FRAS1: variants seen among roughly 807,000 people sequenced by gnomAD.
The protein encoded by FRAS1 is extracellular matrix organizing protein FRAS1.
FRAS1 carries 290 observed loss-of-function variants against 435.2 expected under a neutral mutation model. The ratio of observed to expected loss-of-function variants is 0.67; its 90% CI spans 0.61 to 0.73. The LOEUF is 0.73. Among genes scored for constraint, FRAS1 ranks in the 30% least tolerant of loss-of-function variants. FRAS1 has a pLI of 0.00. For missense variants in FRAS1, 4,860 were observed against 5,001.5 expected (o/e 0.97, Z 0.85); for synonymous variants, 1,800 against 1,851.0 (o/e 0.97, Z 0.71).
At chr4:78,183,469 G>T (rs1397638092) in intron 2 of FRAS1, among the ~76,000 whole-genome samples, 1 of 152,196 alleles carries the variant, frequency 6.6e-6, no homozygotes, top group East Asian at 1.9e-4. Flanking sequence ...TCTTTCAGCA[G>T]CCCTGCTCAG....
chr4:78,268,520 G>A lies in FRAS1; in HGVS notation c.981+1088G>A, dbSNP rs148827671. On this transcript the variant is annotated intron_variant, in intron 9 of 73. Coordinates refer to ENST00000512123, the MANE Select transcript of FRAS1 (RefSeq NM_025074.7). ...AGGGCCCTTTTTTGTTGTCTCTGTCGGGCTGAGGCTGGGCTTCCCTGCCTC... is the reference window on the plus strand; with the variant it reads ...AGGGCCCTTTTTTGTTGTCTCTGTCAGGCTGAGGCTGGGCTTCCCTGCCTC... Among the ~76,000 whole-genome samples, 697 of 152,270 alleles carry A rather than the reference G, an allele frequency of 4.6e-3. 6 individuals are homozygous for A. The highest frequency in any genetic ancestry group is 0.015 in the African/African-American group (641 of 41,538).
chr4:78,525,490 G>GGT (rs1357200225), intron 69 of FRAS1, among the ~76,000 whole-genome samples: 3 of 152,174 alleles, frequency 2.0e-5, no homozygotes, highest in African/African-American at 7.2e-5. Context: ...TTTTCAGCCT[G>GGT]TGCCAGTCCA....
chr4:78,089,849 C>T (rs749529532), intron 2 of FRAS1, among the ~76,000 whole-genome samples: 6 of 149,928 alleles, frequency 4.0e-5, no homozygotes, highest in South Asian at 2.2e-4. Flanking sequence ...CACATCATTT[C>T]GCCACCCAGG....
At position 78,457,048 on chromosome 4, in the gene FRAS1, CT is replaced by C. The variant is rs1267379562; in HGVS notation, c.6763+4695del. Among the ~76,000 whole-genome samples, 20 of 152,304 alleles carry C rather than the reference CT, an allele frequency of 1.3e-4. 1 individual carries two copies. The highest frequency in any genetic ancestry group is 1.2e-3 in the Admixed American group (19 of 15,300). On this transcript the variant is annotated intron_variant, in intron 47 of 73. Transcript: ENST00000512123. Reference sequence around the variant, plus strand: ...GAGGCCTACCTCGTGCTGGATGCCCCTCACCAGTTACAACACACCTTCCTCA... The same window carrying C: ...GAGGCCTACCTCGTGCTGGATGCCCCCACCAGTTACAACACACCTTCCTCA...
At chr4:78,179,704 T>A (rs905326090) in intron 2 of FRAS1, among the ~76,000 whole-genome samples, 3 of 152,166 alleles carry the variant, frequency 2.0e-5, no homozygotes, top group African/African-American at 7.2e-5. Flanking sequence ...CCATATATGA[T>A]TAAGAGACAT....
chr4:78,396,687 G>T (rs530084497), intron 29 of FRAS1, among the ~76,000 whole-genome samples: 1 of 152,214 alleles, frequency 6.6e-6, no homozygotes, highest in Admixed American at 6.5e-5. Context: ...CCATAAGTTC[G>T]GTAAACTTTG....
chr4:78,375,881 T>G lies in FRAS1; in HGVS notation c.3292+2T>G. On this transcript the variant is annotated splice_donor_variant, in intron 26 of 73. Transcript: ENST00000512123. LOFTEE classifies it high-confidence loss of function. ...ACACCTCTAATGAAACATGTTCTGGTAAGTGCTTCTCCTCAGATGGTCTGG... is the reference window on the plus strand; with the variant it reads ...ACACCTCTAATGAAACATGTTCTGGGAAGTGCTTCTCCTCAGATGGTCTGG... 6.2e-7 allele frequency: 1 copy of G among 1,613,816 alleles called. No homozygotes were observed. Among genetic ancestry groups the G allele is most frequent in the Non-Finnish European group, 8.5e-7 (1 of 1,179,774 alleles).
intron 14 of FRAS1, among the ~76,000 whole-genome samples, chr4:78,307,336 C>G (rs866676938): frequency 6.6e-6 from 1 of 152,230 alleles, no homozygotes. Flanking sequence ...TGCCCTGCCC[C>G]CAGAGGTGGA....
intron 18 of FRAS1, among the ~76,000 whole-genome samples, chr4:78,326,272 A>C (rs1049565354): frequency 1.3e-5 from 2 of 152,214 alleles, no homozygotes; most frequent in African/African-American, 4.8e-5. Context: ...GGCTGTGGGA[A>C]GGTGGGATAG....
intron 47 of FRAS1, among the ~76,000 whole-genome samples, chr4:78,458,591 T>G (rs1056188743): frequency 6.6e-6 from 1 of 152,096 alleles, no homozygotes; most frequent in Non-Finnish European, 1.5e-5. Context: ...AACTTACTAT[T>G]GGATATTGTG....
At chr4:78,518,422 GTATATATA>G (rs71216219) in intron 66 of FRAS1, among the ~76,000 whole-genome samples, 72 of 135,724 alleles carry the variant, frequency 5.3e-4, no homozygotes, top group Middle Eastern at 3.7e-3. Flanking sequence ...TTTTTGTTGT[GTATATATA>G]TATATATATA....
intron 2 of FRAS1, among the ~76,000 whole-genome samples, chr4:78,104,126 CT>C (rs1449812660): frequency 1.3e-5 from 2 of 152,206 alleles, no homozygotes; most frequent in Non-Finnish European, 2.9e-5. Flanking sequence ...ACTACAACTT[CT>C]TCCAGGAATG....
At chr4:78,483,732 T>A (rs1417222832) in intron 58 of FRAS1, among the ~76,000 whole-genome samples, 2 of 143,528 alleles carry the variant, frequency 1.4e-5, no homozygotes, top group East Asian at 4.0e-4. Context: ...TTTTAACCAG[T>A]TTTTTGTGTG....
chr4:78,237,501 T>A lies in FRAS1; in HGVS notation c.109-9T>A. 1.2e-6 allele frequency: 2 copies of A among 1,607,760 alleles called. No homozygotes were observed. Among genetic ancestry groups the A allele is most frequent in the Middle Eastern group, 1.7e-4 (1 of 6,040 alleles). ...CAGTTTTTAAATCAGAGCTTATGCC[T>A]CTTTACAGGATGCCACAATTTGGAA... On this transcript the variant is annotated splice_polypyrimidine_tract_variant and intron_variant, in intron 2 of 73. Coordinates refer to ENST00000512123, the MANE Select transcript of FRAS1 (RefSeq NM_025074.7).
chr4:78,087,153 A>G (rs1282611956), intron 2 of FRAS1, among the ~76,000 whole-genome samples: 1 of 152,202 alleles, frequency 6.6e-6, no homozygotes, highest in Non-Finnish European at 1.5e-5. Context: ...CCAGCATATA[A>G]ACAGAACCAA....
chr4:78,488,952 A>T lies in FRAS1; in HGVS notation c.8830A>T (p.Ser2944Cys), dbSNP rs768669836. ...EGVLHVPITRSGDLSYESSVR... is the reference protein window; with the variant it reads ...EGVLHVPITRCGDLSYESSVR... The stretch of plus-strand genomic sequence containing the variant: ...TGTCCTGCATGTCCCTATCACTCGG[A>T]GCGGAGACCTGAGCTATGAGTCATC... The change falls in exon 59 of 74, where the codon AGC becomes TGC. Residue 2944 changes from serine to cysteine, a missense_variant. Ser to Cys is a moderately radical substitution (Grantham distance 112). Coordinates refer to ENST00000512123, the MANE Select transcript of FRAS1 (RefSeq NM_025074.7). 10 of 1,613,482 alleles carry T rather than the reference A, an allele frequency of 6.2e-6. No individual in the cohort carries two copies. In the Admixed American group the frequency reaches 1.7e-4, roughly 27 times the overall value.
intron 2 of FRAS1, among the ~76,000 whole-genome samples, chr4:78,132,021 G>A (rs1383539417): frequency 1.3e-5 from 2 of 152,178 alleles, no homozygotes; most frequent in East Asian, 1.9e-4. Flanking sequence ...CTTTATTTCA[G>A]TATGGTCCCA....
At chr4:78,064,067 C>T (rs545382379) in intron 1 of FRAS1, among the ~76,000 whole-genome samples, 5 of 151,738 alleles carry the variant, frequency 3.3e-5, no homozygotes, top group African/African-American at 7.2e-5. Flanking sequence ...ATATATATTT[C>T]CTTTCTTATA....
In FRAS1 at chr4:78,522,648, G is replaced by A. The variant is rs1274816054; in HGVS notation, c.10649-1G>A. The stretch of plus-strand genomic sequence containing the variant: ...AATGCATGTGTTTCCCCTTCAAATA[G>A]GACAGTTTGTGATGGAGCATCACAC... On this transcript the variant is annotated splice_acceptor_variant, in intron 68 of 73. Transcript: ENST00000512123. LOFTEE classifies it high-confidence loss of function. 2 of 1,597,992 alleles carry A rather than the reference G, an allele frequency of 1.3e-6. No individual in the cohort carries two copies. Among genetic ancestry groups the A allele is most frequent in the South Asian group, 1.1e-5 (1 of 88,384 alleles).
Sources: allele counts gnomAD v4.1 joint callset (sites outside exome capture counted in the v4.1 genomes callset), GRCh38; gene constraint gnomAD v4.1.1; transcripts MANE v1.5; gene names NCBI Gene and HGNC (gene_info 2026-07-23, HGNC 2026-07-21).